The following NTRK3 variants were observed in gnomAD, a reference collection of about 807,000 sequenced individuals.
NTRK3 encodes NT-3 growth factor receptor.
NTRK3 carries 24 observed loss-of-function variants against 91.7 expected under a neutral mutation model. The observed-to-expected ratio is 0.26, with a 90% CI of 0.19 to 0.37. NTRK3 has a LOEUF of 0.37. NTRK3 is among the 10% of genes least tolerant of loss of function. The probability of loss-of-function intolerance (pLI) is 1.00; values close to 1 mark genes in which losing one functional copy is unlikely to be tolerated. For missense variants in NTRK3, 880 were observed against 1,068.9 expected (o/e 0.82, Z 2.46); for synonymous variants, 483 against 404.0 (o/e 1.20, Z -2.34).
chr15:87,875,298 C>G (rs2064919338), exon 19 of NTRK3: 1 of 230,274 alleles, frequency 4.3e-6, no homozygotes, highest in Non-Finnish European at 8.6e-6. Flanking sequence ...ACATCCTCTC[C>G]TCTCCAGCAG....
intron 13 of NTRK3, among the ~76,000 whole-genome samples, chr15:88,065,215 C>T (rs114843184): frequency 1.3e-5 from 2 of 152,276 alleles, no homozygotes; most frequent in African/African-American, 4.8e-5. Flanking sequence ...AAGTTCTGGC[C>T]CTATCCTCTG....
chr15:87,977,624 G>C (rs2073840001), intron 14 of NTRK3: 1 of 231,852 alleles, frequency 4.3e-6, no homozygotes, highest in African/African-American at 2.2e-5. Flanking sequence ...GCACAATGGG[G>C]AACAGCCTGA....
rs140897294 is a variant in NTRK3 at position 88,244,158 on chromosome 15, G to A, written c.248+11748C>T. ...GGTAAAATGACCCCAGCAGGCCAAG[G>A]GGATCTCATACATATCTCCTGGGTG... is the stretch of plus-strand genomic sequence containing the variant. On this transcript the variant is annotated intron_variant, in intron 3 of 18. Coordinates refer to ENST00000394480, the Ensembl canonical transcript of NTRK3. Among the ~76,000 whole-genome samples, 8 of 152,190 alleles carry A rather than the reference G, an allele frequency of 5.3e-5. No individual in the cohort carries two copies. The South Asian group carries it at 6.2e-4, about 12-fold the overall frequency.
intron 13 of NTRK3, among the ~76,000 whole-genome samples, chr15:88,102,974 A>G (rs1295414549): frequency 6.6e-6 from 1 of 152,254 alleles, no homozygotes; most frequent in Non-Finnish European, 1.5e-5. Context: ...ACAGCCTAAT[A>G]GAAAGTACCT....
At chr15:88,005,596 C>G (rs963418010) in intron 14 of NTRK3, among the ~76,000 whole-genome samples, 4 of 152,140 alleles carry the variant, frequency 2.6e-5, no homozygotes, top group Admixed American at 1.3e-4. Context: ...ATGCATGGAA[C>G]AGACCACCTC....
At chr15:87,945,710 G>A (rs924227757) in intron 14 of NTRK3, among the ~76,000 whole-genome samples, 1 of 151,420 alleles carries the variant, frequency 6.6e-6, no homozygotes, top group African/African-American at 2.4e-5. Context: ...GGGCAGGGAG[G>A]TGGCAGGCAT....
rs1049582309 is a variant in NTRK3 at position 88,061,995 on chromosome 15, A to C, written c.1397-28950T>G. Among the ~76,000 whole-genome samples, 4 of 152,244 alleles carry C rather than the reference A, an allele frequency of 2.6e-5. No homozygotes were observed. In the East Asian group the frequency reaches 7.7e-4, roughly 29 times the overall value. ...CGCAGATCAAAAATATTTGGAAAAA[A>C]ATAAAAATTAACAAAATAAAAAATC... On this transcript the variant is annotated intron_variant, in intron 13 of 18. Transcript: ENST00000394480.
intron 5 of NTRK3, among the ~76,000 whole-genome samples, chr15:88,174,768 G>A (rs890423835): frequency 4.6e-5 from 7 of 152,282 alleles, no homozygotes; most frequent in South Asian, 2.1e-4. Context: ...GCTCCATAAG[G>A]CTGCCCAGCC....
intron 14 of NTRK3, among the ~76,000 whole-genome samples, chr15:88,028,523 G>C (rs2078239574): frequency 6.6e-6 from 1 of 152,112 alleles, no homozygotes; most frequent in African/African-American, 2.4e-5. Context: ...CAAGAGGTGT[G>C]GCGATGGGCA....
At chr15:88,230,962 G>C (rs1370279519) in intron 3 of NTRK3, among the ~76,000 whole-genome samples, 2 of 152,184 alleles carry the variant, frequency 1.3e-5, no homozygotes, top group African/African-American at 4.8e-5. Context: ...TCAGAACATG[G>C]CCAAGTCTTG....
At chr15:88,009,459 T>G (rs1318675202) in intron 14 of NTRK3, among the ~76,000 whole-genome samples, 2 of 152,214 alleles carry the variant, frequency 1.3e-5, no homozygotes, top group Non-Finnish European at 2.9e-5. Flanking sequence ...ACCTAATGGT[T>G]GCCATGCAGA....
chr15:88,105,804 T>A (rs2050642350), intron 13 of NTRK3, among the ~76,000 whole-genome samples: 1 of 151,850 alleles, frequency 6.6e-6, no homozygotes, highest in Non-Finnish European at 1.5e-5. Flanking sequence ...CCACGTGGAG[T>A]CCCTGTGCCA....
chr15:88,006,767 G>A (rs373143971), intron 14 of NTRK3, among the ~76,000 whole-genome samples: 26 of 152,334 alleles, frequency 1.7e-4, no homozygotes, highest in East Asian at 5.8e-4. Context: ...AGTACGCAGA[G>A]GCACACAGCT....
chr15:88,068,114 G>A (rs1196380633), intron 13 of NTRK3, among the ~76,000 whole-genome samples: 1 of 152,148 alleles, frequency 6.6e-6, no homozygotes, highest in Non-Finnish European at 1.5e-5. Flanking sequence ...ATACAAGAAA[G>A]AAAAGGTGAG....
intron 14 of NTRK3, among the ~76,000 whole-genome samples, chr15:87,957,473 TCTC>T (rs1455548555): frequency 2.0e-5 from 3 of 152,134 alleles, no homozygotes; most frequent in Non-Finnish European, 4.4e-5. Flanking sequence ...TGAGCCTCAA[TCTC>T]CTCATCTGCA....
chr15:88,070,001 T>G (rs1256566083), intron 13 of NTRK3, among the ~76,000 whole-genome samples: 2 of 152,170 alleles, frequency 1.3e-5, no homozygotes, highest in Non-Finnish European at 2.9e-5. Context: ...GCAGAACATG[T>G]TGCAACCTCA....
At chr15:87,899,646 G>A (rs1222280899) in intron 17 of NTRK3, among the ~76,000 whole-genome samples, 1 of 152,138 alleles carries the variant, frequency 6.6e-6, no homozygotes, top group Non-Finnish European at 1.5e-5. Context: ...GCCCAAAAAG[G>A]GGGACCAGGA....
At chr15:87,893,454 T>A (rs2065948216) in intron 17 of NTRK3, among the ~76,000 whole-genome samples, 1 of 152,192 alleles carries the variant, frequency 6.6e-6, no homozygotes, top group African/African-American at 2.4e-5. Context: ...CATGGCAGTG[T>A]TCCACTCTGG....
At chr15:88,208,699 G>C (rs1440846332) in intron 3 of NTRK3, among the ~76,000 whole-genome samples, 1 of 152,144 alleles carries the variant, frequency 6.6e-6, no homozygotes, top group Non-Finnish European at 1.5e-5. Context: ...TTGATGGCAG[G>C]ACTCATTAAT....
Sources: allele counts gnomAD v4.1 joint callset (sites outside exome capture counted in the v4.1 genomes callset), GRCh38; gene constraint gnomAD v4.1.1; transcripts MANE v1.5; gene names NCBI Gene and HGNC (gene_info 2026-07-23, HGNC 2026-07-21).